ATXN3: variants seen among roughly 807,000 people sequenced by gnomAD.
ATXN3 encodes the protein ataxin-3.
A neutral mutation model predicts 58.2 loss-of-function variants in ATXN3; 28 were observed. That is an observed-to-expected ratio of 0.48 (90% CI 0.36 to 0.66). ATXN3 has a LOEUF of 0.66. ATXN3 is among the 30% of genes least tolerant of loss of function. The probability of loss-of-function intolerance (pLI) is 0.00; values close to 1 mark genes in which losing one functional copy is unlikely to be tolerated. For missense variants in ATXN3, 321 were observed against 422.1 expected (o/e 0.76, Z 2.10); for synonymous variants, 113 against 138.5 (o/e 0.82, Z 1.29).
chr14:92,082,156 C>A, intron 8 of ATXN3, 144 bp downstream of exon 8: 1 of 824,170 alleles, frequency 1.2e-6, no homozygotes, highest in Non-Finnish European at 1.8e-6. Flanking sequence ...TATAAGAAAT[C>A]TAAAGGGAAA....
intron 6 of ATXN3, among the ~76,000 whole-genome samples, chr14:92,086,860 T>C (rs550627847): frequency 6.6e-6 from 1 of 151,780 alleles, no homozygotes; most frequent in South Asian, 2.1e-4. Flanking sequence ...AGTGGAGAGA[T>C]GAAAGCAGGA....
At chr14:92,045,154 G>A (rs2057420372) in intron 2 of ATXN3, among the ~76,000 whole-genome samples, 1 of 152,214 alleles carries the variant, frequency 6.6e-6, no homozygotes, top group South Asian at 2.1e-4. Context: ...TGAAGGGCAA[G>A]AGGTAAAAAT....
At chr14:92,103,504 T>C (rs1383121381) in intron 1 of ATXN3, among the ~76,000 whole-genome samples, 3 of 152,146 alleles carry the variant, frequency 2.0e-5, no homozygotes, top group Non-Finnish European at 2.9e-5. Context: ...GGTGCGATCA[T>C]GGCTCACTAC....
chr14:92,056,441 A>G (rs1344744967), downstream of ATXN3, among the ~76,000 whole-genome samples: 4 of 152,206 alleles, frequency 2.6e-5, no homozygotes, highest in East Asian at 7.7e-4. Flanking sequence ...GTTTTTAAAA[A>G]GAAGAAAATT....
At chr14:92,079,525 A>G (rs2061053481) in intron 9 of ATXN3, 2 of 724,788 alleles carry the variant, frequency 2.8e-6, no homozygotes, top group African/African-American at 3.8e-5. Flanking sequence ...CATCAAATGT[A>G]AAATGAGCCA....
In ATXN3 at chr14:92,082,426, C is replaced by G. The variant is rs746109327; in HGVS notation, c.649G>C (p.Asp217His). The G allele has an allele frequency of 6.2e-6, 10 of 1,614,026 alleles. No homozygotes were observed. The East Asian group carries it at 2.0e-4, about 32-fold the overall frequency. ...TCTTCGTCTAACATTCCTGAGCCAT[C>G]ATTTGCTTCTAACACTCGTTCCAGG... Reference protein sequence around the residue: ...TDLERVLEANDGSGMLDEDEE... With the variant: ...TDLERVLEANHGSGMLDEDEE... Residue 217 changes from aspartate (D) to histidine (H), a missense_variant, in exon 8 of 11, where the codon GAT becomes CAT. Physicochemically the swap from Asp to His is moderately conservative, Grantham distance 81. Transcript: ENST00000644486.
chr14:92,097,097 CG>C (rs1566978714), intron 1 of ATXN3, among the ~76,000 whole-genome samples: 1 of 151,474 alleles, frequency 6.6e-6, no homozygotes, highest in South Asian at 2.1e-4. Context: ...TTAGTAGAGA[CG>C]GGGTTTCATC....
intron 10 of ATXN3, 103 bp downstream of exon 10, chr14:92,070,832 T>A (rs1461637927): frequency 6.2e-7 from 1 of 1,604,766 alleles, no homozygotes; most frequent in Admixed American, 1.7e-5. Flanking sequence ...TTAATATGAT[T>A]AAAGAGGGAA....
At chr14:92,078,873 TG>T (rs935476109) in intron 9 of ATXN3, among the ~76,000 whole-genome samples, 1 of 152,052 alleles carries the variant, frequency 6.6e-6, no homozygotes, top group Non-Finnish European at 1.5e-5. Context: ...GTGGAAAGAA[TG>T]GGAGATGGGA....
In ATXN3 at chr14:92,097,718, G is replaced by A. The variant is rs563544827; in HGVS notation, c.25-880C>T. Among the ~76,000 whole-genome samples, 5 of 151,540 alleles carry A rather than the reference G, an allele frequency of 3.3e-5. No individual in the cohort carries two copies. In the South Asian group the frequency reaches 6.3e-4, roughly 19 times the overall value. The stretch of plus-strand genomic sequence containing the variant: ...TTTTTTGTATTTTTAGTAGCGATAC[G>A]GTTTCACAATGTTAGCCAGGATGGT... On this transcript the variant is annotated intron_variant, in intron 1 of 10. Coordinates refer to ENST00000644486, the MANE Select transcript of ATXN3 (RefSeq NM_004993.6).
chr14:92,096,237 C>A (rs2065211875), intron 2 of ATXN3, 100 bp from the exon 3 acceptor site: 2 of 1,607,068 alleles, frequency 1.2e-6, no homozygotes, highest in African/African-American at 2.7e-5. Flanking sequence ...CTTGTGCATT[C>A]CCATTTCCAA....
intron 9 of ATXN3, among the ~76,000 whole-genome samples, chr14:92,074,940 T>C (rs771460028): frequency 1.7e-4 from 26 of 152,234 alleles, no homozygotes; most frequent in Non-Finnish European, 3.4e-4. Flanking sequence ...CATGTATGTA[T>C]GGAATACTTT....
upstream of ATXN3, among the ~76,000 whole-genome samples, chr14:92,052,954 T>C (rs550319085): frequency 2.6e-5 from 4 of 152,214 alleles, no homozygotes; most frequent in Admixed American, 2.0e-4. Flanking sequence ...TGGAACACTT[T>C]TAAAAAATCA....
At chr14:92,094,051 C>CT (rs2064572480) in intron 3 of ATXN3, among the ~76,000 whole-genome samples, 1 of 150,696 alleles carries the variant, frequency 6.6e-6, no homozygotes, top group South Asian at 2.1e-4. Flanking sequence ...TCAAGCGATT[C>CT]TCCTCCTGAG....
chr14:92,086,399 T>A (rs1355030629), intron 6 of ATXN3, among the ~76,000 whole-genome samples: 1 of 151,496 alleles, frequency 6.6e-6, no homozygotes, highest in African/African-American at 2.4e-5. Flanking sequence ...CCCTTCCATC[T>A]CTACTAAAAT....
At chr14:92,069,397 A>G (rs1309885055) in intron 10 of ATXN3, among the ~76,000 whole-genome samples, 1 of 79,970 alleles carries the variant, frequency 1.3e-5, no homozygotes, top group African/African-American at 5.1e-5. Flanking sequence ...TTTTTGAGAC[A>G]GAGTTTTGCT....
At chr14:92,045,472 A>G (rs1458703079) in intron 2 of ATXN3, among the ~76,000 whole-genome samples, 17 of 152,162 alleles carry the variant, frequency 1.1e-4, no homozygotes, top group Admixed American at 1.1e-3. Flanking sequence ...TTCCCAGACC[A>G]AGAGGTATTT....
intron 7 of ATXN3, among the ~76,000 whole-genome samples, chr14:92,082,787 CT>C: frequency 6.6e-6 from 1 of 151,592 alleles, no homozygotes; most frequent in Middle Eastern, 3.2e-3. Context: ...GTAGCTGGGA[CT>C]ATAGGCATAC....
At position 92,096,678 on chromosome 14, in the gene ATXN3, A is replaced by T; in HGVS notation, c.185T>A (p.Leu62Ter). 6.2e-7 allele frequency: 1 copy of T among 1,610,314 alleles called. No individual in the cohort carries two copies. The highest frequency in any genetic ancestry group is 8.5e-7 in the Non-Finnish European group (1 of 1,178,810). ...GVTSEDYRTF[L>*]QQPSGNMDDS... ...TAGTGAGTTTAAAATCAGTACCTGT[A>T]AAAACGTGCGATAATCTTCACTAGT... is the stretch of plus-strand genomic sequence containing the variant. Residue 62 changes from leucine to a stop codon, truncating the protein, a stop_gained, in exon 2 of 11, where the codon TTA becomes TAA. Transcript: ENST00000644486. LOFTEE classifies it high-confidence loss of function.
Sources: allele counts gnomAD v4.1 joint callset (sites outside exome capture counted in the v4.1 genomes callset), GRCh38; gene constraint gnomAD v4.1.1; transcripts MANE v1.5; gene names NCBI Gene and HGNC (gene_info 2026-07-23, HGNC 2026-07-21).